Variants in PRKN observed in about 807,000 individuals in gnomAD.
PRKN encodes the protein E3 ubiquitin-protein ligase parkin.
Under a neutral mutation model 59.5 loss-of-function variants are expected in PRKN, and 56 were observed. That is an observed-to-expected ratio of 0.94 (90% CI 0.76 to 1.18). PRKN has a LOEUF of 1.18. PRKN is among the 50% of genes most tolerant of loss of function. PRKN has a pLI of 0.00. For missense variants in PRKN, 657 were observed against 596.4 expected, an observed-to-expected ratio of 1.10 and a Z score of -1.06; for synonymous variants, 250 against 222.1, an observed-to-expected ratio of 1.13 and a Z score of -1.12.
intron 6 of PRKN, among the ~76,000 whole-genome samples, chr6:161,941,113 A>G (rs1280848465): frequency 6.6e-6 from 1 of 152,048 alleles, no homozygotes; most frequent in Non-Finnish European, 1.5e-5. Flanking sequence ...CTAGGGCTCC[A>G]CTCTTGGGCC....
At chr6:161,398,591 T>C (rs1373060970) in intron 9 of PRKN, among the ~76,000 whole-genome samples, 1 of 152,210 alleles carries the variant, frequency 6.6e-6, no homozygotes, top group Non-Finnish European at 1.5e-5. Context: ...TGCTGGAGCC[T>C]GCAAAGATGC....
intron 6 of PRKN, among the ~76,000 whole-genome samples, chr6:161,942,527 T>C (rs765139463): frequency 1.3e-5 from 2 of 152,052 alleles, no homozygotes; most frequent in African/African-American, 4.8e-5. Context: ...CGAGACTCCA[T>C]CTCAAAAAAA....
At chr6:161,511,654 G>C (rs1209508210) in intron 9 of PRKN, among the ~76,000 whole-genome samples, 1 of 152,158 alleles carries the variant, frequency 6.6e-6, no homozygotes, top group Non-Finnish European at 1.5e-5. Flanking sequence ...CAGCCCTCAT[G>C]ACATGAGCAA....
chr6:161,667,597 G>A (rs1327398025), intron 7 of PRKN, among the ~76,000 whole-genome samples: 2 of 152,198 alleles, frequency 1.3e-5, no homozygotes, highest in African/African-American at 4.8e-5. Context: ...TAGAGGTCAA[G>A]AGCTGGTTTT....
chr6:162,643,678 T>G (rs1331706302), intron 1 of PRKN, among the ~76,000 whole-genome samples: 1 of 152,190 alleles, frequency 6.6e-6, no homozygotes, highest in South Asian at 2.1e-4. Context: ...ATAGAAAATA[T>G]TAATTTCATG....
intron 1 of PRKN, among the ~76,000 whole-genome samples, chr6:162,512,895 A>C (rs1777690757): frequency 6.6e-6 from 1 of 152,210 alleles, no homozygotes; most frequent in African/African-American, 2.4e-5. Flanking sequence ...AGATCAGTCT[A>C]GCATACGGTG....
chr6:162,202,700 C>T (rs1784781876), intron 3 of PRKN, among the ~76,000 whole-genome samples: 1 of 152,026 alleles, frequency 6.6e-6, no homozygotes, highest in Admixed American at 6.6e-5. Context: ...CAGCATAGAA[C>T]CATGTATTAA....
At chr6:162,690,129 G>GAATGTACTCA (rs1416597655) in intron 1 of PRKN, among the ~76,000 whole-genome samples, 3 of 19,474 alleles carry the variant, frequency 1.5e-4, no homozygotes, top group East Asian at 6.4e-3. Context: ...GAATGTACTC[G>GAATGTACTCA]AATACAAATT....
chr6:161,812,133 T>A (rs538558409), intron 6 of PRKN, among the ~76,000 whole-genome samples: 26 of 152,152 alleles, frequency 1.7e-4, no homozygotes, highest in African/African-American at 5.8e-4. Context: ...ACACCTACAA[T>A]CCCAGTGCTT....
At chr6:161,930,589 T>G (rs1274706720) in intron 6 of PRKN, among the ~76,000 whole-genome samples, 1 of 152,228 alleles carries the variant, frequency 6.6e-6, no homozygotes, top group Non-Finnish European at 1.5e-5. Flanking sequence ...TATTGCTGAA[T>G]AATCCTGACA....
At position 161,442,878 on chromosome 6, in the gene PRKN, A is replaced by T. The variant is rs1252697484; in HGVS notation, c.1084-56001T>A. ...TCACTATCTGTCAGCAGTTTAACAT[A>T]AACCCTCTCACTTACTGCCAATGTG... On this transcript the variant is annotated intron_variant, in intron 9 of 11. Coordinates refer to ENST00000366898, the MANE Select transcript of PRKN (RefSeq NM_004562.3). This position sits in a 1 kb window ranked among gnomAD's most constrained non-coding sequence, Gnocchi z 4.6. 6.6e-6 allele frequency among the ~76,000 whole-genome samples: 1 copy of T among 152,156 alleles called. No homozygotes were observed. Among genetic ancestry groups the T allele is most frequent in the East Asian group, 1.9e-4 (1 of 5,182 alleles).
chr6:162,092,146 G>A (rs1321672097), intron 4 of PRKN, among the ~76,000 whole-genome samples: 1 of 152,098 alleles, frequency 6.6e-6, no homozygotes, highest in Admixed American at 6.5e-5. Flanking sequence ...CCTGAGGTCA[G>A]GAGTTTGAGA....
At chr6:161,425,535 A>T (rs1356026048) in intron 9 of PRKN, among the ~76,000 whole-genome samples, 1 of 152,030 alleles carries the variant, frequency 6.6e-6, no homozygotes, top group East Asian at 1.9e-4. Flanking sequence ...CTGGTCTCAA[A>T]TGTCTCAGTT....
At chr6:161,748,722 G>A in intron 7 of PRKN, among the ~76,000 whole-genome samples, 1 of 152,150 alleles carries the variant, frequency 6.6e-6, no homozygotes, top group East Asian at 1.9e-4. Context: ...GGGCACTTGG[G>A]AAGACGCGGG....
At chr6:162,710,721 A>G (rs982526014) in intron 1 of PRKN, among the ~76,000 whole-genome samples, 3 of 152,160 alleles carry the variant, frequency 2.0e-5, no homozygotes, top group African/African-American at 7.2e-5. Context: ...GCCCCTGCCC[A>G]CTATAATAGC....
At chr6:162,037,198 T>A (rs538532536) in intron 5 of PRKN, among the ~76,000 whole-genome samples, 135 of 152,312 alleles carry the variant, frequency 8.9e-4, no homozygotes, top group African/African-American at 3.1e-3. Flanking sequence ...TTACTAGAGA[T>A]GTGTCTAAGG....
intron 9 of PRKN, among the ~76,000 whole-genome samples, chr6:161,464,662 C>T (rs914313066): frequency 2.6e-5 from 4 of 152,112 alleles, no homozygotes; most frequent in African/African-American, 9.7e-5. Flanking sequence ...GGTAATTTCT[C>T]AGAAAGTGTA....
Position 161,491,437 on chromosome 6 carries a change from G to A in PRKN, c.1083+57417C>T, listed in dbSNP as rs370283081. 4.6e-5 allele frequency among the ~76,000 whole-genome samples: 7 copies of A among 152,122 alleles called. 1 individual carries two copies. The South Asian group carries it at 1.0e-3, about 23-fold the overall frequency. On this transcript the variant is annotated intron_variant, in intron 9 of 11. Transcript: ENST00000366898. The stretch of plus-strand genomic sequence containing the variant: ...GTTCTTGTTAGTCCAAAGGGAGAGG[G>A]AGTCTAAGAGTATAATGTGAGTTGG...
intron 9 of PRKN, among the ~76,000 whole-genome samples, chr6:161,505,714 G>A (rs1271288188): frequency 1.1e-5 from 1 of 94,582 alleles, no homozygotes; most frequent in East Asian, 2.6e-4. Context: ...AAGGTGTAAG[G>A]AAGGGATCCA....
Sources: allele counts gnomAD v4.1 joint callset (sites outside exome capture counted in the v4.1 genomes callset), GRCh38; gene constraint gnomAD v4.1.1; non-coding constraint Gnocchi (gnomAD v3.1); transcripts MANE v1.5; gene names NCBI Gene and HGNC (gene_info 2026-07-23, HGNC 2026-07-21).